The following HPSE2 variants were observed in gnomAD, a reference collection of about 807,000 sequenced individuals.
The protein encoded by HPSE2 is inactive heparanase-2.
HPSE2 carries 38 observed loss-of-function variants against 60.5 expected under a neutral mutation model. That is an observed-to-expected ratio of 0.63 (90% CI 0.48 to 0.82). The LOEUF is 0.82. Ranked by LOEUF, HPSE2 falls within the 40% of genes least tolerant of loss-of-function variation. The pLI is 0.00. For missense variants in HPSE2, 713 were observed against 740.4 expected (o/e 0.96, Z 0.43); for synonymous variants, 295 against 293.2 (o/e 1.01, Z -0.06).
At chr10:99,050,772 T>C (rs754479834) in intron 3 of HPSE2, among the ~76,000 whole-genome samples, 6 of 152,116 alleles carry the variant, frequency 3.9e-5, no homozygotes, top group Non-Finnish European at 8.8e-5. Flanking sequence ...GGAAGACAAA[T>C]TCCACATGAA....
intron 2 of HPSE2, among the ~76,000 whole-genome samples, chr10:99,203,338 G>A (rs77354270): frequency 0.021 from 3,158 of 151,938 alleles, 114 homozygotes; most frequent in East Asian, 0.16. Flanking sequence ...CAGTCTGTAC[G>A]CAGGCTCCTA....
chr10:99,080,800 C>T (rs1843107326), intron 3 of HPSE2, among the ~76,000 whole-genome samples: 1 of 152,180 alleles, frequency 6.6e-6, no homozygotes. Context: ...TTGCCAAATG[C>T]ATTCTCTTAG....
At chr10:98,958,418 G>T (rs956265117) in intron 3 of HPSE2, among the ~76,000 whole-genome samples, 2 of 151,984 alleles carry the variant, frequency 1.3e-5, no homozygotes, top group Admixed American at 1.3e-4. Flanking sequence ...AGACTCTAAT[G>T]CAACAGGAAA....
At chr10:99,028,251 A>T (rs1957421817) in intron 3 of HPSE2, among the ~76,000 whole-genome samples, 1 of 152,222 alleles carries the variant, frequency 6.6e-6, no homozygotes, top group Non-Finnish European at 1.5e-5. Flanking sequence ...AAAAAACTAA[A>T]GACTCCACTA....
At chr10:98,708,845 A>G (rs1333162821) in intron 5 of HPSE2, among the ~76,000 whole-genome samples, 1 of 152,204 alleles carries the variant, frequency 6.6e-6, no homozygotes, top group African/African-American at 2.4e-5. Context: ...AATAATATTT[A>G]TATTTTTTAA....
chr10:98,938,591 G>T (rs1437684404), intron 3 of HPSE2, among the ~76,000 whole-genome samples: 2 of 144,058 alleles, frequency 1.4e-5, no homozygotes, highest in African/African-American at 5.6e-5. Flanking sequence ...TATGTGAAAA[G>T]ACCAAATCTA....
chr10:98,667,409 C>T (rs1947393271), intron 6 of HPSE2, among the ~76,000 whole-genome samples: 1 of 152,130 alleles, frequency 6.6e-6, no homozygotes, highest in African/African-American at 2.4e-5. Flanking sequence ...CGGAGGATCT[C>T]CTCCCTAACT....
At chr10:99,110,950 T>C (rs954804977) in intron 3 of HPSE2, among the ~76,000 whole-genome samples, 3 of 152,194 alleles carry the variant, frequency 2.0e-5, no homozygotes, top group Non-Finnish European at 2.9e-5. Flanking sequence ...GGTTTATTAA[T>C]CCATTTTTAA....
intron 2 of HPSE2, among the ~76,000 whole-genome samples, chr10:99,173,266 G>A (rs1015400053): frequency 1.3e-5 from 2 of 152,146 alleles, no homozygotes; most frequent in Non-Finnish European, 2.9e-5. Context: ...AGCAGTATAA[G>A]GAAGATATTA....
intron 7 of HPSE2, among the ~76,000 whole-genome samples, chr10:98,636,715 T>C (rs1946511531): frequency 6.6e-6 from 1 of 152,244 alleles, no homozygotes; most frequent in African/African-American, 2.4e-5. Context: ...TTAGTTAGTA[T>C]TCAAAATGCA....
At chr10:98,827,862 C>T (rs967513159) in intron 3 of HPSE2, among the ~76,000 whole-genome samples, 2 of 152,170 alleles carry the variant, frequency 1.3e-5, no homozygotes, top group Non-Finnish European at 2.9e-5. Context: ...CTAGATGTTT[C>T]TGTGAAGGTT....
At chr10:99,309,105 T>G in the HPSE2 span, among the ~76,000 whole-genome samples, 11 of 152,196 alleles carry the variant, frequency 7.2e-5, no homozygotes, top group African/African-American at 2.7e-4. Flanking sequence ...TGACTCCATC[T>G]ATATGAAATG....
intron 9 of HPSE2, among the ~76,000 whole-genome samples, chr10:98,506,886 G>A (rs1942220100): frequency 1.3e-5 from 2 of 151,820 alleles, no homozygotes. Context: ...TTCCAAAAGT[G>A]TACATTACTG....
intron 3 of HPSE2, among the ~76,000 whole-genome samples, chr10:99,139,854 G>T (rs770503388): frequency 6.6e-6 from 1 of 152,140 alleles, no homozygotes; most frequent in Non-Finnish European, 1.5e-5. Context: ...ACCCAGGTGG[G>T]TGTGACTGAA....
intron 3 of HPSE2, among the ~76,000 whole-genome samples, chr10:98,783,034 C>T (rs1375050215): frequency 9.4e-6 from 1 of 106,668 alleles, no homozygotes; most frequent in South Asian, 3.7e-4. Flanking sequence ...TGGTGCGCTG[C>T]ACCCACTAAC....
intron 3 of HPSE2, among the ~76,000 whole-genome samples, chr10:99,009,290 A>C (rs1956960157): frequency 6.7e-6 from 1 of 148,340 alleles, no homozygotes; most frequent in African/African-American, 2.5e-5. Context: ...ATGCTGGTAC[A>C]TGCCCTGTAG....
chr10:99,248,159 G>A, the HPSE2 span, among the ~76,000 whole-genome samples: 1 of 152,198 alleles, frequency 6.6e-6, no homozygotes, highest in Non-Finnish European at 1.5e-5. Flanking sequence ...GCAGAGGTTG[G>A]AACAGTTTGA....
intron 3 of HPSE2, among the ~76,000 whole-genome samples, chr10:98,973,753 T>G (rs879781313): frequency 3.3e-5 from 5 of 152,062 alleles, no homozygotes; most frequent in Non-Finnish European, 7.4e-5. Context: ...GGACCTGAGT[T>G]TTTCACTGGA....
chr10:99,196,581 C>T (rs1040217157), intron 2 of HPSE2, among the ~76,000 whole-genome samples: 3 of 152,056 alleles, frequency 2.0e-5, no homozygotes, highest in African/African-American at 7.2e-5. Flanking sequence ...CAAAATAAGA[C>T]ATACAAATAG....
Sources: gnomAD v4.1 joint callset for allele counts (sites outside exome capture counted in the v4.1 genomes callset) on GRCh38, gnomAD v4.1.1 for gene constraint, MANE v1.5 for transcripts, NCBI Gene and HGNC (gene_info 2026-07-23, HGNC 2026-07-21) for gene names.